KCNQ3: variants seen among roughly 807,000 people sequenced by gnomAD.
KCNQ3 encodes potassium voltage-gated channel subfamily KQT member 3.
KCNQ3 carries 30 observed loss-of-function variants against 92.5 expected under a neutral mutation model. That is an observed-to-expected ratio of 0.32 (90% CI 0.24 to 0.44). The LOEUF is 0.44. Among genes scored for constraint, KCNQ3 ranks in the 20% least tolerant of loss-of-function variants. KCNQ3 has a pLI of 1.00. For missense variants in KCNQ3, 913 were observed against 1,140.3 expected (o/e 0.80, Z 2.87); for synonymous variants, 450 against 468.8 (o/e 0.96, Z 0.52).
At chr8:132,150,484 G>A (rs950054293) in intron 9 of KCNQ3, among the ~76,000 whole-genome samples, 46 of 152,154 alleles carry the variant, frequency 3.0e-4, no homozygotes, top group African/African-American at 1.1e-3. Context: ...TGCTTGGTAT[G>A]GCTAAAGTTG....
intron 1 of KCNQ3, among the ~76,000 whole-genome samples, chr8:132,427,055 G>C (rs1201108012): frequency 2.0e-5 from 3 of 152,214 alleles, no homozygotes; most frequent in Non-Finnish European, 4.4e-5. Context: ...AGGGCAAAAA[G>C]AATGCATCTC....
At chr8:132,211,002 A>C (rs531792864) in intron 1 of KCNQ3, among the ~76,000 whole-genome samples, 1 of 152,336 alleles carries the variant, frequency 6.6e-6, no homozygotes, top group Non-Finnish European at 1.5e-5. Context: ...CATAGCAAAG[A>C]GCATTGGGTC....
At chr8:132,197,095 C>T (rs1380547211) in intron 1 of KCNQ3, among the ~76,000 whole-genome samples, 1 of 151,850 alleles carries the variant, frequency 6.6e-6, no homozygotes, top group Non-Finnish European at 1.5e-5. Context: ...TTTGTAGAAC[C>T]CCTAGCAAGA....
At chr8:132,306,159 T>C (rs1201520320) in intron 1 of KCNQ3, among the ~76,000 whole-genome samples, 2 of 152,226 alleles carry the variant, frequency 1.3e-5, no homozygotes, top group Non-Finnish European at 2.9e-5. Flanking sequence ...TTTCTACTAC[T>C]CTGGACTGAA....
intron 6 of KCNQ3, among the ~76,000 whole-genome samples, chr8:132,173,868 C>G (rs188642228): frequency 9.2e-5 from 14 of 152,310 alleles, no homozygotes; most frequent in African/African-American, 3.4e-4. Flanking sequence ...ACTGGGAATG[C>G]ATGAATGAAA....
chr8:132,437,001 CGGGCGCGG>C (rs1047108307), intron 1 of KCNQ3, among the ~76,000 whole-genome samples: 1 of 150,956 alleles, frequency 6.6e-6, no homozygotes, highest in African/African-American at 2.4e-5. Context: ...GGTGGTGGGC[CGGGCGCGG>C]TGGCTCACGC....
chr8:132,176,362 C>T (rs1234577150), intron 4 of KCNQ3, among the ~76,000 whole-genome samples: 4 of 152,188 alleles, frequency 2.6e-5, no homozygotes, highest in Non-Finnish European at 5.9e-5. Flanking sequence ...CTAATGGAGA[C>T]AAGACCTAAT....
chr8:132,286,715 A>G (rs1006260583), intron 1 of KCNQ3, among the ~76,000 whole-genome samples: 5 of 152,202 alleles, frequency 3.3e-5, no homozygotes, highest in Non-Finnish European at 5.9e-5. Context: ...GTAATTTGTC[A>G]CTGTCAAAAC....
At chr8:132,345,793 C>T (rs949828761) in intron 1 of KCNQ3, among the ~76,000 whole-genome samples, 1 of 152,086 alleles carries the variant, frequency 6.6e-6, no homozygotes, top group Non-Finnish European at 1.5e-5. Context: ...TAGAAGACTA[C>T]AGCTACATTA....
chr8:132,477,988 CATATCTTT>C (rs1822454790), intron 1 of KCNQ3, among the ~76,000 whole-genome samples: 1 of 152,158 alleles, frequency 6.6e-6, no homozygotes, highest in African/African-American at 2.4e-5. Context: ...TTGAGGTTTT[CATATCTTT>C]ATATAACGGA....
intron 1 of KCNQ3, among the ~76,000 whole-genome samples, chr8:132,199,220 G>A (rs534562380): frequency 7.2e-5 from 11 of 152,188 alleles, no homozygotes; most frequent in Admixed American, 5.2e-4. Flanking sequence ...ATACTTTAAA[G>A]GATTAAAAAC....
chr8:132,402,800 G>A (rs570665899), intron 1 of KCNQ3, among the ~76,000 whole-genome samples: 3 of 152,076 alleles, frequency 2.0e-5, no homozygotes, highest in East Asian at 1.9e-4. Context: ...GGCAGATCAC[G>A]AGGTCAGGAG....
At chr8:132,207,903 T>A (rs1813716229) in intron 1 of KCNQ3, among the ~76,000 whole-genome samples, 1 of 148,694 alleles carries the variant, frequency 6.7e-6, no homozygotes, top group Non-Finnish European at 1.5e-5. Context: ...GGCTTCAAGT[T>A]TCCAAAATGA....
intron 1 of KCNQ3, among the ~76,000 whole-genome samples, chr8:132,312,279 G>T (rs1563853950): frequency 6.6e-6 from 1 of 152,204 alleles, no homozygotes; most frequent in Non-Finnish European, 1.5e-5. Context: ...GAGGCCCAGG[G>T]TCTGCATTCA....
At chr8:132,375,655 T>C (rs955077614) in intron 1 of KCNQ3, among the ~76,000 whole-genome samples, 1 of 152,176 alleles carries the variant, frequency 6.6e-6, no homozygotes, top group Admixed American at 6.5e-5. Context: ...CCCTAGAACA[T>C]TGCCTCCCTC....
intron 5 of KCNQ3, 124 bp downstream of exon 5, chr8:132,175,329 C>T (rs1343294450): frequency 1.8e-5 from 20 of 1,127,940 alleles, no homozygotes; most frequent in Non-Finnish European, 2.1e-5. Context: ...TGAAATTGGT[C>T]TAGAGCTTAC....
chr8:132,282,561 A>G (rs1816556900), intron 1 of KCNQ3, among the ~76,000 whole-genome samples: 1 of 152,052 alleles, frequency 6.6e-6, no homozygotes, highest in Non-Finnish European at 1.5e-5. Flanking sequence ...GCCCCCTGGA[A>G]CCATCTTTTT....
intron 1 of KCNQ3, among the ~76,000 whole-genome samples, chr8:132,469,760 T>C (rs932837045): frequency 1.8e-4 from 28 of 152,056 alleles, no homozygotes; most frequent in African/African-American, 6.5e-4. Flanking sequence ...ATTTGATTTA[T>C]GAAACTTTTA....
At chr8:132,361,510 G>A (rs570127766) in intron 1 of KCNQ3, among the ~76,000 whole-genome samples, 1 of 152,240 alleles carries the variant, frequency 6.6e-6, no homozygotes, top group South Asian at 2.1e-4. Flanking sequence ...CCTTAGAATA[G>A]CAACCTCGTT....
Sources: allele counts gnomAD v4.1 joint callset (sites outside exome capture counted in the v4.1 genomes callset), GRCh38; gene constraint gnomAD v4.1.1; transcripts MANE v1.5; gene names NCBI Gene and HGNC (gene_info 2026-07-23, HGNC 2026-07-21).